The following CORO2B variants were observed in gnomAD, a reference collection of about 807,000 sequenced individuals.
CORO2B encodes coronin 2B.
CORO2B carries 26 observed loss-of-function variants against 58.8 expected under a neutral mutation model. That is an observed-to-expected ratio of 0.44 (90% CI 0.32 to 0.61). CORO2B has a LOEUF of 0.61. Among genes scored for constraint, CORO2B ranks in the 20% least tolerant of loss-of-function variants. CORO2B has a pLI of 0.04. For synonymous variants in CORO2B, 242 were observed against 253.8 expected (o/e 0.95, Z 0.44); for missense variants, 460 against 645.1 (o/e 0.71, Z 3.11).
chr15:68,696,569 A>AAAAG (rs1892517403), intron 3 of CORO2B, among the ~76,000 whole-genome samples: 1 of 151,434 alleles, frequency 6.6e-6, no homozygotes, highest in Non-Finnish European at 1.5e-5. Flanking sequence ...AAAAAAAAAA[A>AAAAG]AAAAAGAATC....
At chr15:68,712,690 C>T (rs567074443) in intron 5 of CORO2B, among the ~76,000 whole-genome samples, 21 of 152,254 alleles carry the variant, frequency 1.4e-4, no homozygotes, top group African/African-American at 5.1e-4. Flanking sequence ...GTGTGGCCTG[C>T]ACTGTGCCCG....
At chr15:68,566,651 C>A in the CORO2B span, among the ~76,000 whole-genome samples, 1 of 152,198 alleles carries the variant, frequency 6.6e-6, no homozygotes, top group Non-Finnish European at 1.5e-5. Context: ...CAGGCCTCCC[C>A]TGTGGTTAAG....
At chr15:68,627,742 A>G (rs1196905668) in intron 1 of CORO2B, among the ~76,000 whole-genome samples, 1 of 151,986 alleles carries the variant, frequency 6.6e-6, no homozygotes, top group Non-Finnish European at 1.5e-5. Context: ...GCTGAGCTGA[A>G]TCTTGCAGGG....
chr15:68,553,482 A>C, the CORO2B span, among the ~76,000 whole-genome samples: 2 of 152,168 alleles, frequency 1.3e-5, no homozygotes, highest in Non-Finnish European at 2.9e-5. Flanking sequence ...GGCAAGGATG[A>C]GATTCTCCCC....
intron 2 of CORO2B, among the ~76,000 whole-genome samples, chr15:68,682,291 G>A (rs1424501458): frequency 6.6e-6 from 1 of 152,194 alleles, no homozygotes; most frequent in Non-Finnish European, 1.5e-5. Flanking sequence ...TGGAGTTCGA[G>A]AAGAGACCAG....
At chr15:68,577,835 C>G (rs1432140364), upstream of CORO2B, among the ~76,000 whole-genome samples, 2 of 152,088 alleles carry the variant, frequency 1.3e-5, no homozygotes, top group Non-Finnish European at 2.9e-5. Flanking sequence ...GGAAGGCAGG[C>G]ATCCCATCTC....
chr15:68,719,129 C>T lies in CORO2B; in HGVS notation c.1081-15C>T. The T allele has an allele frequency of 1.9e-6, 3 of 1,605,228 alleles. No individual in the cohort carries two copies. The highest frequency in any genetic ancestry group is 2.6e-6 in the Non-Finnish European group (3 of 1,171,872). On this transcript the variant is annotated splice_polypyrimidine_tract_variant and intron_variant, in intron 9 of 11. Coordinates refer to ENST00000261861, the MANE Select transcript of CORO2B (RefSeq NM_006091.5). Reference sequence around the variant, plus strand: ...AGCCCCCCATGTGTCCTCTCTTCTGCTCCTCCCACTGTAGTCAGATTCCTA... The same window carrying T: ...AGCCCCCCATGTGTCCTCTCTTCTGTTCCTCCCACTGTAGTCAGATTCCTA...
intron 11 of CORO2B, among the ~76,000 whole-genome samples, chr15:68,720,406 C>T (rs903835959): frequency 2.6e-5 from 4 of 152,188 alleles, no homozygotes; most frequent in Admixed American, 6.5e-5. Flanking sequence ...AACAAATTAC[C>T]CTAGAACTTA....
intron 2 of CORO2B, among the ~76,000 whole-genome samples, chr15:68,691,293 G>A (rs1477913591): frequency 1.4e-5 from 2 of 139,344 alleles, no homozygotes; most frequent in Non-Finnish European, 3.1e-5. Flanking sequence ...TCGCGCCACT[G>A]CACTCCAGCC....
the CORO2B span, among the ~76,000 whole-genome samples, chr15:68,526,218 A>G: frequency 1 from 151,972 of 152,364 alleles, 75,790 homozygotes; most frequent in Middle Eastern, 1. Context: ...TTTTATTAAG[A>G]TGTTATGAAC....
At chr15:68,620,936 C>G (rs1163647919) in intron 1 of CORO2B, among the ~76,000 whole-genome samples, 1 of 152,222 alleles carries the variant, frequency 6.6e-6, no homozygotes, top group Non-Finnish European at 1.5e-5. Flanking sequence ...GCTGGCCGAG[C>G]TCCACTTGGG....
At chr15:68,722,905 T>C (rs1229154588) in intron 11 of CORO2B, among the ~76,000 whole-genome samples, 4 of 151,586 alleles carry the variant, frequency 2.6e-5, no homozygotes, top group Non-Finnish European at 2.9e-5. Context: ...CTGTCTCTAC[T>C]AAAAATACAA....
rs374961909 is a variant in CORO2B, at chr15:68,645,174, G to T, written c.30G>T (p.Pro10=). MTVTKMSWR[P]QYRSSKFRNV... ...GCCCCTCACAGATGTCCTGGCGTCC[G>T]CAATACCGTAGCTCCAAGTTCCGGA... The change falls in exon 2 of 12, where the codon CCG becomes CCT. Residue 10 remains proline, a synonymous_variant. Coordinates refer to ENST00000261861, the MANE Select transcript of CORO2B (RefSeq NM_006091.5). This position sits in a 1 kb window ranked among gnomAD's most constrained non-coding sequence, Gnocchi z 4.5. 1 of 1,614,056 alleles carries T rather than the reference G, an allele frequency of 6.2e-7. No individual in the cohort carries two copies. Among genetic ancestry groups the T allele is most frequent in the Non-Finnish European group, 8.5e-7 (1 of 1,179,968 alleles).
chr15:68,679,480 GAGGGGCTGTGC>G (rs1369024457), intron 2 of CORO2B, among the ~76,000 whole-genome samples: 1 of 152,212 alleles, frequency 6.6e-6, no homozygotes, highest in Non-Finnish European at 1.5e-5. Flanking sequence ...GGTCTGGTCC[GAGGGGCTGTGC>G]AGAGCACAGA....
At chr15:68,683,210 C>T (rs943900231) in intron 2 of CORO2B, among the ~76,000 whole-genome samples, 1 of 152,162 alleles carries the variant, frequency 6.6e-6, no homozygotes, top group Non-Finnish European at 1.5e-5. Context: ...GGGATAGATT[C>T]CTCTAGGGAG....
chr15:68,589,612 C>T (rs1595954611), intron 1 of CORO2B, among the ~76,000 whole-genome samples: 2 of 152,200 alleles, frequency 1.3e-5, no homozygotes, highest in Admixed American at 6.5e-5. Context: ...ACTGGGGCTC[C>T]CCCAAGTTAC....
In CORO2B at chr15:68,710,715, C is replaced by A; in HGVS notation, c.334-17C>A. 6.3e-7 allele frequency: 1 copy of A among 1,583,234 alleles called. No individual in the cohort carries two copies. Among genetic ancestry groups the A allele is most frequent in the Non-Finnish European group, 8.6e-7 (1 of 1,162,404 alleles). ...TGGCCGTGTCCACCCAGCCTGGACC[C>A]TCATCTCCCTCTGCAGGTGCGGATC... On this transcript the variant is annotated splice_polypyrimidine_tract_variant and intron_variant, in intron 3 of 11. Coordinates refer to ENST00000261861, the MANE Select transcript of CORO2B (RefSeq NM_006091.5). The surrounding 1 kb of genome is among the most constrained non-coding windows in gnomAD (Gnocchi z 4.1).
chr15:68,658,411 G>T (rs1017815339), intron 2 of CORO2B, among the ~76,000 whole-genome samples: 2 of 152,256 alleles, frequency 1.3e-5, no homozygotes, highest in Non-Finnish European at 2.9e-5. Context: ...TTCGGCCAGT[G>T]AGGGGCCAGT....
intron 2 of CORO2B, among the ~76,000 whole-genome samples, chr15:68,673,536 T>C (rs1902472637): frequency 6.6e-6 from 1 of 151,594 alleles, no homozygotes. Context: ...TAAAATTTTC[T>C]TAAAAAAGGA....
Sources: gnomAD v4.1 joint callset for allele counts (sites outside exome capture counted in the v4.1 genomes callset) on GRCh38, gnomAD v4.1.1 for gene constraint, Gnocchi (gnomAD v3.1) non-coding constraint, MANE v1.5 for transcripts, NCBI Gene and HGNC (gene_info 2026-07-23, HGNC 2026-07-21) for gene names.